DCC: variants seen among roughly 807,000 people sequenced by gnomAD.
DCC encodes DCC netrin 1 receptor.
Under a neutral mutation model 172.5 loss-of-function variants are expected in DCC, and 58 were observed. The ratio of observed to expected loss-of-function variants is 0.34; its 90% confidence interval spans 0.27 to 0.42. The LOEUF is 0.42. Ranked by LOEUF, DCC falls within the 10% of genes least tolerant of loss-of-function variation. The pLI is 1.00. For missense variants in DCC, 1,740 were observed against 1,791.0 expected, an observed-to-expected ratio of 0.97 and a Z score of 0.51; for synonymous variants, 709 against 644.5, an observed-to-expected ratio of 1.10 and a Z score of -1.52.
At chr18:53,145,105 C>CTTTT (rs57501246) in intron 7 of DCC, among the ~76,000 whole-genome samples, 723 of 36,924 alleles carry the variant, frequency 0.02, 285 homozygotes, top group East Asian at 0.11. Flanking sequence ...GAGGGCTCTG[C>CTTTT]TTTTTTTTTT....
At chr18:52,904,524 A>G (rs1326873248) in intron 2 of DCC, among the ~76,000 whole-genome samples, 1 of 152,204 alleles carries the variant, frequency 6.6e-6, no homozygotes, top group Non-Finnish European at 1.5e-5. Flanking sequence ...AATTTGTATC[A>G]GGTTGTGGGG....
At position 52,689,954 on chromosome 18, in the gene DCC, TAGA is replaced by T. The variant is rs2035905741; in HGVS notation, c.92-62092_92-62090del. 2.0e-5 allele frequency among the ~76,000 whole-genome samples: 3 copies of T among 152,260 alleles called. No homozygotes were observed. The South Asian group carries it at 6.2e-4, about 32-fold the overall frequency. ...GAAGTGAAGTCGAATCTATTTTGAC[TAGA>T]AGAAGAACAAAAGCCCTGAGTGGAA... On this transcript the variant is annotated intron_variant, in intron 1 of 28. Coordinates refer to ENST00000442544, the MANE Select transcript of DCC (RefSeq NM_005215.4).
chr18:52,468,809 A>G (rs920273885), intron 1 of DCC, among the ~76,000 whole-genome samples: 1 of 152,086 alleles, frequency 6.6e-6, no homozygotes, highest in Non-Finnish European at 1.5e-5. Flanking sequence ...GCAACACTAA[A>G]TTTGTGTTAG....
intron 7 of DCC, among the ~76,000 whole-genome samples, chr18:53,132,428 C>G (rs2043671830): frequency 6.6e-6 from 1 of 152,102 alleles, no homozygotes; most frequent in Non-Finnish European, 1.5e-5. Context: ...TCTAGAAAGA[C>G]ATGGGGAGGG....
At chr18:52,958,469 A>G (rs1432585419) in intron 5 of DCC, among the ~76,000 whole-genome samples, 2 of 152,158 alleles carry the variant, frequency 1.3e-5, no homozygotes. Context: ...GCTTTTAATA[A>G]TTCCATATTT....
At chr18:52,919,322 A>C (rs559795770) in intron 3 of DCC, among the ~76,000 whole-genome samples, 1 of 152,334 alleles carries the variant, frequency 6.6e-6, no homozygotes, top group East Asian at 1.9e-4. Context: ...AATATTAAAA[A>C]ATTTTTTGAT....
chr18:52,543,568 G>C (rs1368405623), intron 1 of DCC, among the ~76,000 whole-genome samples: 1 of 152,196 alleles, frequency 6.6e-6, no homozygotes, highest in Non-Finnish European at 1.5e-5. Flanking sequence ...TAAAGGCACT[G>C]TGTGGTCAAG....
In DCC at chr18:53,205,298, C is replaced by T; in HGVS notation, c.1656C>T (p.Ala552=). The change falls in exon 10 of 29, where the codon GCC becomes GCT. Residue 552 remains alanine (A), a synonymous_variant. Coordinates refer to ENST00000442544, the MANE Select transcript of DCC (RefSeq NM_005215.4). The part of the protein sequence containing the change: ...TSILITWEPP[A]YANGPVQGYR... Reference sequence around the variant, plus strand: ...TTCTTATTACCTGGGAACCCCCTGCCTATGCAAACGGTCCAGTCCAAGGTT... The same window carrying T: ...TTCTTATTACCTGGGAACCCCCTGCTTATGCAAACGGTCCAGTCCAAGGTT... The T allele has an allele frequency of 6.2e-7, 1 of 1,613,852 alleles. No homozygotes were observed.
intron 1 of DCC, among the ~76,000 whole-genome samples, chr18:52,384,526 CA>C (rs1985714048): frequency 6.6e-6 from 1 of 152,042 alleles, no homozygotes; most frequent in Non-Finnish European, 1.5e-5. Context: ...TTCAAGATCA[CA>C]AAAAAATTCC....
At chr18:52,786,770 C>A (rs1274668749) in intron 2 of DCC, among the ~76,000 whole-genome samples, 9 of 152,078 alleles carry the variant, frequency 5.9e-5, no homozygotes, top group Admixed American at 2.6e-4. Context: ...AGGTTAGGAA[C>A]CCTGTGTGGG....
chr18:52,677,763 ACT>A (rs898459814), intron 1 of DCC, among the ~76,000 whole-genome samples: 2 of 152,116 alleles, frequency 1.3e-5, no homozygotes, highest in African/African-American at 4.8e-5. Context: ...AAACTGCCAC[ACT>A]CTGTTGTTTT....
intron 12 of DCC, among the ~76,000 whole-genome samples, chr18:53,279,739 G>A (rs902402851): frequency 2.6e-5 from 4 of 151,466 alleles, no homozygotes; most frequent in Middle Eastern, 3.4e-3. Context: ...ATACACCATG[G>A]AATACTACAC....
intron 1 of DCC, among the ~76,000 whole-genome samples, chr18:52,558,007 G>A (rs1370039328): frequency 6.6e-6 from 1 of 152,086 alleles, no homozygotes; most frequent in Non-Finnish European, 1.5e-5. Flanking sequence ...AAATAATGTT[G>A]TGAGTATATT....
chr18:52,537,571 G>A (rs1598896412), intron 1 of DCC, among the ~76,000 whole-genome samples: 1 of 152,142 alleles, frequency 6.6e-6, no homozygotes, highest in East Asian at 1.9e-4. Context: ...TCTAGGGGAG[G>A]CAGCTACAGT....
intron 12 of DCC, among the ~76,000 whole-genome samples, chr18:53,271,860 A>G (rs1309565088): frequency 1.3e-5 from 2 of 152,124 alleles, no homozygotes; most frequent in East Asian, 3.9e-4. Context: ...ATAAGTTAGT[A>G]TTGCTATGAA....
chr18:53,125,653 G>T (rs551834504), intron 7 of DCC, among the ~76,000 whole-genome samples: 2 of 152,138 alleles, frequency 1.3e-5, no homozygotes, highest in Non-Finnish European at 2.9e-5. Flanking sequence ...CACTCTCATG[G>T]TGCTGTAGTT....
chr18:52,817,205 ATTAT>A (rs2145262555), intron 2 of DCC, among the ~76,000 whole-genome samples: 1 of 152,282 alleles, frequency 6.6e-6, no homozygotes, highest in East Asian at 1.9e-4. Context: ...AATAATATAA[ATTAT>A]TTACTATTCC....
chr18:52,719,768 G>A (rs373791174), intron 1 of DCC, among the ~76,000 whole-genome samples: 2 of 152,174 alleles, frequency 1.3e-5, no homozygotes, highest in African/African-American at 4.8e-5. Flanking sequence ...GGATGAGTAG[G>A]AGTTAGCCAG....
At chr18:53,514,242 T>G (rs1254464547) in intron 27 of DCC, among the ~76,000 whole-genome samples, 4 of 152,066 alleles carry the variant, frequency 2.6e-5, no homozygotes, top group African/African-American at 7.2e-5. Flanking sequence ...AAAGATGTTC[T>G]TTGAAACCAA....
Sources: gnomAD v4.1 joint callset for allele counts (sites outside exome capture counted in the v4.1 genomes callset) on GRCh38, gnomAD v4.1.1 for gene constraint, MANE v1.5 for transcripts, NCBI Gene and HGNC (gene_info 2026-07-23, HGNC 2026-07-21) for gene names.